DNAH7: variants seen among roughly 807,000 people sequenced by gnomAD.
The protein encoded by DNAH7 is dynein axonemal heavy chain 7.
A neutral mutation model predicts 444.6 loss-of-function variants in DNAH7; 397 were observed. The observed-to-expected ratio is 0.89, with a 90% CI of 0.82 to 0.97. The LOEUF (loss-of-function observed/expected upper bound fraction) is 0.97. DNAH7 is among the 50% of genes least tolerant of loss of function. The pLI, the probability that DNAH7 is intolerant of heterozygous loss-of-function variation, is 0.00. For synonymous variants in DNAH7, 1,636 were observed against 1,624.4 expected (o/e 1.01, Z -0.17); for missense variants, 4,902 against 4,800.8 (o/e 1.02, Z -0.62).
chr2:195,922,876 T>C (rs1688108260), intron 23 of DNAH7, among the ~76,000 whole-genome samples: 1 of 152,102 alleles, frequency 6.6e-6, no homozygotes, highest in East Asian at 1.9e-4. Flanking sequence ...TTTTTTTTTT[T>C]TCTGAGACAG....
chr2:195,872,262 A>G lies in DNAH7; in HGVS notation c.6621T>C (p.Leu2207=). The change falls in exon 40 of 65, where the codon CTT becomes CTC. Residue 2207 remains leucine, a synonymous_variant. Transcript: ENST00000312428. ...TTETTEVIKR[L]WVHEVLRVYY... ...CAGGAAAATTTACCTCATGAACCCAAAGACGTTTAATCACTTCTGTGGTTT... is the reference window on the plus strand; with the variant it reads ...CAGGAAAATTTACCTCATGAACCCAGAGACGTTTAATCACTTCTGTGGTTT... 1 of 1,612,410 alleles carries G rather than the reference A, an allele frequency of 6.2e-7. No individual in the cohort carries two copies. Among genetic ancestry groups the G allele is most frequent in the Non-Finnish European group, 8.5e-7 (1 of 1,179,002 alleles).
At chr2:195,830,098 T>C (rs1429370994) in intron 48 of DNAH7, among the ~76,000 whole-genome samples, 2 of 152,178 alleles carry the variant, frequency 1.3e-5, no homozygotes, top group East Asian at 1.9e-4. Flanking sequence ...GTTAAAGTAA[T>C]AGGAGCAAAT....
chr2:195,971,037 T>C (rs912308871), intron 16 of DNAH7, among the ~76,000 whole-genome samples: 2 of 152,214 alleles, frequency 1.3e-5, no homozygotes, highest in South Asian at 4.1e-4. Flanking sequence ...CTACTCATGA[T>C]GTTTTCTGCA....
chr2:195,910,038 T>C lies in DNAH7; in HGVS notation c.4093A>G (p.Lys1365Glu). The C allele has an allele frequency of 6.2e-7, 1 of 1,611,736 alleles. No individual in the cohort carries two copies. The highest frequency in any genetic ancestry group is 2.2e-5 in the East Asian group (1 of 44,724). ...SDGLDYLALG[K>E]FFKGLLSCGA... ...GAGTTAATTCAAACCTTAAAGAATT[T>C]TCCCAAAGCCAAATAATCCAACCCA... Residue 1365 changes from lysine (K) to glutamate (E), a missense_variant, in exon 25 of 65, where the codon AAA becomes GAA. Transcript: ENST00000312428.
intron 6 of DNAH7, 52 bp from the exon 7 acceptor site, chr2:196,026,992 T>G: frequency 7.2e-7 from 1 of 1,394,436 alleles, no homozygotes; most frequent in South Asian, 1.5e-5. Flanking sequence ...GAAGTATGTT[T>G]ATCAAAAATA....
At chr2:195,927,028 C>T (rs1486675378) in intron 21 of DNAH7, among the ~76,000 whole-genome samples, 1 of 152,110 alleles carries the variant, frequency 6.6e-6, no homozygotes, top group African/African-American at 2.4e-5. Context: ...CACAATCTTT[C>T]TCAAGTTACT....
intron 63 of DNAH7, among the ~76,000 whole-genome samples, chr2:195,744,545 G>C (rs1199102892): frequency 3.3e-5 from 5 of 152,218 alleles, no homozygotes; most frequent in Non-Finnish European, 4.4e-5. Flanking sequence ...CGGGCAGACT[G>C]CCTCCTCAAG....
At chr2:195,786,575 T>G (rs535803437) in intron 58 of DNAH7, among the ~76,000 whole-genome samples, 1 of 152,144 alleles carries the variant, frequency 6.6e-6, no homozygotes, top group East Asian at 1.9e-4. Flanking sequence ...ATAGATTTTT[T>G]TTTTTTTTCC....
chr2:195,819,039 A>C lies in DNAH7; in HGVS notation c.9292-1210T>G, dbSNP rs78614587. On this transcript the variant is annotated intron_variant, in intron 49 of 64. Coordinates refer to ENST00000312428, the MANE Select transcript of DNAH7 (RefSeq NM_018897.3). ...CCTTTCATTTTCCTGCAAGGAACTG[A>C]TTGTGGAATCCCATACACACTATCT... Among the ~76,000 whole-genome samples the C allele has an allele frequency of 2.0e-3, 310 of 152,024 alleles. 2 individuals are homozygous for C. The highest frequency in any genetic ancestry group is 7.2e-3 in the African/African-American group (298 of 41,374).
chr2:195,858,748 G>T lies in DNAH7; in HGVS notation c.7793C>A (p.Ala2598Asp), dbSNP rs374095640. 2.4e-5 allele frequency: 39 copies of T among 1,613,770 alleles called. No individual in the cohort carries two copies. Among genetic ancestry groups the T allele is most frequent in the Non-Finnish European group, 3.2e-5 (38 of 1,179,840 alleles). Residue 2598 changes from alanine to aspartate, a missense_variant, in exon 43 of 65, where the codon GCT (alanine) becomes GAT (aspartate). Ala to Asp is a moderately radical substitution (Grantham distance 126). Coordinates refer to ENST00000312428, the MANE Select transcript of DNAH7 (RefSeq NM_018897.3). ...CTGCATTGTGGCTACTTGAGATGAA[G>T]CAGAATCCAGTTTCTCCAAACCCAC... ...YEVGLEKLDS[A>D]SSQVATMQME... is the part of the protein sequence containing the mutation.
intron 12 of DNAH7, among the ~76,000 whole-genome samples, 182 bp downstream of exon 12, chr2:196,000,522 T>C (rs1222862894): frequency 1.3e-5 from 2 of 152,202 alleles, no homozygotes; most frequent in Non-Finnish European, 2.9e-5. Flanking sequence ...AAGACTAAAC[T>C]AGGAAAGTAG....
intron 7 of DNAH7, among the ~76,000 whole-genome samples, chr2:196,025,561 A>G (rs1695630989): frequency 6.6e-6 from 1 of 152,128 alleles, no homozygotes. Context: ...TCCTAGGCCA[A>G]GCATGTTCCC....
At chr2:195,999,123 A>C (rs1205517722) in intron 12 of DNAH7, 2 of 717,458 alleles carry the variant, frequency 2.8e-6, no homozygotes, top group Non-Finnish European at 5.2e-6. Flanking sequence ...AGCCAAGAAC[A>C]CTGAAGGGTG....
intron 40 of DNAH7, among the ~76,000 whole-genome samples, chr2:195,868,652 G>C (rs61703678): frequency 0.06 from 8,882 of 146,844 alleles, 353 homozygotes; most frequent in African/African-American, 0.12. Flanking sequence ...TCTATATATT[G>C]TCTTTTCATT....
Position 195,934,747 on chromosome 2 carries a change from C to T in DNAH7, c.3315G>A (p.Lys1105=). The T allele has an allele frequency of 1.9e-6, 3 of 1,614,096 alleles. No individual in the cohort carries two copies. The highest frequency in any genetic ancestry group is 2.5e-6 in the Non-Finnish European group (3 of 1,179,988). ...TGTCTAAAGTTTCCGTAAATTCTACCTTTGCGATTCCTTCAAAACATTTCT... is the reference window on the plus strand; with the variant it reads ...TGTCTAAAGTTTCCGTAAATTCTACTTTTGCGATTCCTTCAAAACATTTCT... ...HLKKCFEGIA[K]VEFTETLDIT... is the part of the protein sequence containing the mutation. The change falls in exon 21 of 65, where the codon AAG becomes AAA. Residue 1105 remains lysine (K), a synonymous_variant. Transcript: ENST00000312428.
chr2:195,824,350 G>A lies in DNAH7; in HGVS notation c.9196C>T (p.Leu3066Phe), dbSNP rs1697611119. 6.2e-7 allele frequency: 1 copy of A among 1,613,790 alleles called. No homozygotes were observed. The highest frequency in any genetic ancestry group is 1.7e-5 in the Admixed American group (1 of 59,974). ...GCATATTCAATTGTGGAGTCCCCAA[G>A]CCGGATACATGTACTCCCACCCTGC... ...FKQGGSTCIR[L>F]GDSTIEYAPD... The change falls in exon 49 of 65, where the codon CTT becomes TTT. Residue 3066 changes from leucine to phenylalanine, a missense_variant. By Grantham distance (22) the Leu-to-Phe change is conservative (BLOSUM62 0). Coordinates refer to ENST00000312428, the MANE Select transcript of DNAH7 (RefSeq NM_018897.3).
chr2:195,806,345 T>C (rs1234776831), intron 54 of DNAH7, among the ~76,000 whole-genome samples: 1 of 152,138 alleles, frequency 6.6e-6, no homozygotes, highest in East Asian at 1.9e-4. Context: ...AACAAAAAAC[T>C]ATATATAAGG....
At chr2:195,896,803 T>G (rs568205) in intron 29 of DNAH7, among the ~76,000 whole-genome samples, 2 of 152,130 alleles carry the variant, frequency 1.3e-5, no homozygotes, top group African/African-American at 4.8e-5. Flanking sequence ...TATATTTGCA[T>G]GTCAACTCTA....
At chr2:195,742,847 A>G (rs1693125763) in intron 63 of DNAH7, among the ~76,000 whole-genome samples, 1 of 152,248 alleles carries the variant, frequency 6.6e-6, no homozygotes, top group Non-Finnish European at 1.5e-5. Context: ...CATCTACAAT[A>G]TAGGATGCTG....
Sources: gnomAD v4.1 joint callset for allele counts (sites outside exome capture counted in the v4.1 genomes callset) on GRCh38, gnomAD v4.1.1 for gene constraint, MANE v1.5 for transcripts, NCBI Gene and HGNC (gene_info 2026-07-23, HGNC 2026-07-21) for gene names.